ZHX3: variants seen among roughly 807,000 people sequenced by gnomAD.
ZHX3 encodes the protein zinc fingers and homeoboxes protein 3.
In ZHX3, 20 loss-of-function variants were observed where a neutral mutation model predicts 64.5. The observed-to-expected ratio is 0.31, with a 90% CI of 0.22 to 0.45. ZHX3 has a LOEUF of 0.45. Among genes scored for constraint, ZHX3 ranks in the 20% least tolerant of loss-of-function variants. The pLI is 1.00. For synonymous variants in ZHX3, 423 were observed against 461.6 expected, an observed-to-expected ratio of 0.92 and a Z score of 1.07; for missense variants, 1,041 against 1,195.8, an observed-to-expected ratio of 0.87 and a Z score of 1.91.
chr20:41,202,573 G>A lies in ZHX3; in HGVS notation c.2344C>T (p.Leu782Phe), dbSNP rs878864667. The A allele has an allele frequency of 9.3e-6, 15 of 1,613,894 alleles. No homozygotes were observed. The highest frequency in any genetic ancestry group is 1.3e-5 in the Non-Finnish European group (15 of 1,180,038). The change falls in exon 3 of 4, where the codon CTC (leucine) becomes TTC (phenylalanine). Residue 782 changes from leucine (L) to phenylalanine (F), a missense_variant. Leu to Phe is a conservative substitution (Grantham distance 22, BLOSUM62 0). Coordinates refer to ENST00000683867, the MANE Select transcript of ZHX3 (RefSeq NM_001384317.1). This position sits in a 1 kb window ranked among gnomAD's most constrained non-coding sequence, Gnocchi z 7.0. The part of the protein sequence containing the change: ...TAQQRHLLRQ[L>F]FVQTQWPSNQ... ...CTTGGCCACTGTGTCTGGACAAAGA[G>A]CTGCCGCAGCAAGTGCCGCTGCTGG...
intron 2 of ZHX3, among the ~76,000 whole-genome samples, chr20:41,261,628 T>A (rs528732154): frequency 6.6e-6 from 1 of 152,246 alleles, no homozygotes. Context: ...GAAAAAGCTC[T>A]AGCCACCCCA....
intron 3 of ZHX3, among the ~76,000 whole-genome samples, chr20:41,196,053 T>C (rs2037457684): frequency 6.6e-6 from 1 of 151,722 alleles, no homozygotes; most frequent in South Asian, 2.1e-4. Context: ...GAGAAGACTG[T>C]GTATTCTGCT....
At chr20:41,199,687 A>T in intron 3 of ZHX3, among the ~76,000 whole-genome samples, 1 of 151,936 alleles carries the variant, frequency 6.6e-6, no homozygotes. Context: ...TGCAGTAATC[A>T]GAAATCAAAA....
Position 41,275,854 on chromosome 20 carries a change from G to A in ZHX3, c.-244-6771C>T, listed in dbSNP as rs532408490. Reference sequence around the variant, plus strand: ...CCTCTCCATTTCTTCAGCTCTAGTTGCACTCAGTTAACCTGAACTCTGTGT... The same window carrying A: ...CCTCTCCATTTCTTCAGCTCTAGTTACACTCAGTTAACCTGAACTCTGTGT... On this transcript the variant is annotated intron_variant, in intron 1 of 3. Transcript: ENST00000683867. Among the ~76,000 whole-genome samples the A allele has an allele frequency of 2.6e-5, 4 of 152,268 alleles. No individual in the cohort carries two copies. The East Asian group carries it at 7.7e-4, about 29-fold the overall frequency.
At chr20:41,246,511 T>G (rs2041695466) in intron 2 of ZHX3, among the ~76,000 whole-genome samples, 1 of 152,198 alleles carries the variant, frequency 6.6e-6, no homozygotes, top group Non-Finnish European at 1.5e-5. Context: ...TAGCTGATAT[T>G]TTCATAGGGT....
chr20:41,216,012 G>A (rs2039508981), intron 2 of ZHX3, among the ~76,000 whole-genome samples: 1 of 151,770 alleles, frequency 6.6e-6, no homozygotes, highest in South Asian at 2.1e-4. Context: ...AACTATAGTG[G>A]GAGATTTTAA....
chr20:41,204,256 C>T lies in ZHX3; in HGVS notation c.661G>A (p.Gly221Arg). 6.2e-7 allele frequency: 1 copy of T among 1,614,146 alleles called. No homozygotes were observed. The stretch of plus-strand genomic sequence containing the variant: ...TCCCCCTCTCTCACCTCCATTTCTC[C>T]AGTCGACAGCTTTGGTAAGGCCTCA... The part of the protein sequence containing the change: ...VGEALPKLST[G>R]EMEVREGDHS... The change falls in exon 3 of 4, where the codon GGA becomes AGA. Residue 221 changes from glycine (G) to arginine (R), a missense_variant. Gly to Arg is a moderately radical substitution (Grantham distance 125). Transcript: ENST00000683867. The surrounding 1 kb of genome is among the most constrained non-coding windows in gnomAD (Gnocchi z 6.6).
At chr20:41,238,266 G>A (rs1042975854) in intron 2 of ZHX3, among the ~76,000 whole-genome samples, 1 of 152,080 alleles carries the variant, frequency 6.6e-6, no homozygotes, top group Admixed American at 6.5e-5. Context: ...GTTAAATGAA[G>A]CTTAACATAG....
At chr20:41,210,301 G>A (rs1238072029) in intron 2 of ZHX3, among the ~76,000 whole-genome samples, 1 of 152,180 alleles carries the variant, frequency 6.6e-6, no homozygotes, top group African/African-American at 2.4e-5. Flanking sequence ...ATTCGTCAAG[G>A]ATCTAGAACT....
chr20:41,293,868 A>G (rs2044370896), intron 1 of ZHX3, among the ~76,000 whole-genome samples: 1 of 152,242 alleles, frequency 6.6e-6, no homozygotes, highest in African/African-American at 2.4e-5. Context: ...GCACCATGCC[A>G]GGAGCTAAGG....
At chr20:41,197,837 T>C (rs2037870700) in intron 3 of ZHX3, among the ~76,000 whole-genome samples, 1 of 152,082 alleles carries the variant, frequency 6.6e-6, no homozygotes. Flanking sequence ...TTTTACTATT[T>C]AGACAGATTA....
At chr20:41,253,407 G>T (rs2042086323) in intron 2 of ZHX3, among the ~76,000 whole-genome samples, 1 of 152,072 alleles carries the variant, frequency 6.6e-6, no homozygotes, top group African/African-American at 2.4e-5. Context: ...TGGTCTCCTG[G>T]TTCCATTTAA....
At chr20:41,245,410 G>A (rs1165846871) in intron 2 of ZHX3, among the ~76,000 whole-genome samples, 2 of 152,116 alleles carry the variant, frequency 1.3e-5, no homozygotes, top group Non-Finnish European at 2.9e-5. Context: ...TAGAGCAGAG[G>A]GGCTCTAATC....
chr20:41,205,686 C>A (rs1388123769), intron 2 of ZHX3, among the ~76,000 whole-genome samples: 1 of 152,208 alleles, frequency 6.6e-6, no homozygotes, highest in African/African-American at 2.4e-5. Flanking sequence ...CAGTTACTGG[C>A]TGTTATGTAT....
At chr20:41,266,690 C>T (rs552249150) in intron 2 of ZHX3, among the ~76,000 whole-genome samples, 2 of 151,750 alleles carry the variant, frequency 1.3e-5, no homozygotes, top group South Asian at 2.1e-4. Context: ...GGACTACAGG[C>T]GCGCGCCACT....
intron 3 of ZHX3, among the ~76,000 whole-genome samples, chr20:41,187,097 A>T (rs2036583139): frequency 6.6e-6 from 1 of 151,992 alleles, no homozygotes; most frequent in African/African-American, 2.4e-5. Context: ...TTGGGGAGGA[A>T]TGCTTGAAGT....
intron 1 of ZHX3, among the ~76,000 whole-genome samples, chr20:41,307,895 A>G (rs568046458): frequency 1.2e-4 from 18 of 152,304 alleles, no homozygotes; most frequent in African/African-American, 4.3e-4. Context: ...GAGGTTAGAG[A>G]TCTAAATGCA....
chr20:41,273,556 T>G (rs1295057260), intron 1 of ZHX3, among the ~76,000 whole-genome samples: 1 of 152,170 alleles, frequency 6.6e-6, no homozygotes, highest in Non-Finnish European at 1.5e-5. Context: ...GGGTCCAACT[T>G]CATTCTTTTG....
chr20:41,264,810 C>A (rs1350815786), intron 2 of ZHX3, among the ~76,000 whole-genome samples: 1 of 151,966 alleles, frequency 6.6e-6, no homozygotes, highest in African/African-American at 2.4e-5. Flanking sequence ...TAAATAGAAC[C>A]TAGAAACAGA....
Sources: allele counts gnomAD v4.1 joint callset (sites outside exome capture counted in the v4.1 genomes callset), GRCh38; gene constraint gnomAD v4.1.1; non-coding constraint Gnocchi (gnomAD v3.1); transcripts MANE v1.5; gene names NCBI Gene and HGNC (gene_info 2026-07-23, HGNC 2026-07-21).